The following CNTNAP2 variants were observed in gnomAD, a reference collection of about 807,000 sequenced individuals.
CNTNAP2 encodes contactin associated protein 2.
CNTNAP2 carries 98 observed loss-of-function variants against 155.2 expected under a neutral mutation model. The ratio of observed to expected loss-of-function variants is 0.63; its 90% confidence interval spans 0.54 to 0.75. The LOEUF (loss-of-function observed/expected upper bound fraction) is 0.75, where lower values mean the gene tolerates loss of function less well. Ranked by LOEUF, CNTNAP2 falls within the 30% of genes least tolerant of loss-of-function variation. The probability of loss-of-function intolerance (pLI) is 0.00; values close to 1 mark genes in which losing one functional copy is unlikely to be tolerated. For synonymous variants in CNTNAP2, 651 were observed against 631.2 expected (o/e 1.03, Z -0.47); for missense variants, 1,727 against 1,688.1 (o/e 1.02, Z -0.40).
chr7:146,712,337 AG>A (rs1320185433), intron 1 of CNTNAP2, among the ~76,000 whole-genome samples: 8 of 122,850 alleles, frequency 6.5e-5, no homozygotes, highest in African/African-American at 1.9e-4. Flanking sequence ...TATACTATAT[AG>A]TATACATATC....
intron 8 of CNTNAP2, among the ~76,000 whole-genome samples, chr7:147,269,869 A>T (rs1804701585): frequency 6.6e-6 from 1 of 152,112 alleles, no homozygotes. Context: ...CCTGGATATT[A>T]TGGTAAGACC....
intron 2 of CNTNAP2, among the ~76,000 whole-genome samples, chr7:146,837,536 T>C (rs1484690859): frequency 2.6e-5 from 4 of 152,212 alleles, no homozygotes; most frequent in Non-Finnish European, 5.9e-5. Flanking sequence ...ATTTCTGTTA[T>C]TTTGGGGATA....
intron 13 of CNTNAP2, among the ~76,000 whole-genome samples, chr7:147,811,497 A>C (rs1798179075): frequency 6.6e-6 from 1 of 152,170 alleles, no homozygotes; most frequent in Non-Finnish European, 1.5e-5. Context: ...CAGTTCTTGA[A>C]AATATAATAT....
chr7:147,089,231 A>C (rs566680232), intron 4 of CNTNAP2, among the ~76,000 whole-genome samples: 2 of 152,298 alleles, frequency 1.3e-5, no homozygotes, highest in African/African-American at 4.8e-5. Flanking sequence ...AACATCTTGT[A>C]GCAGTTCCAC....
chr7:147,328,408 G>A (rs537239765), intron 9 of CNTNAP2, among the ~76,000 whole-genome samples: 20 of 152,248 alleles, frequency 1.3e-4, no homozygotes, highest in South Asian at 8.3e-4. Context: ...GAGTGTCCAG[G>A]TCATCCAGGG....
At chr7:148,166,498 T>A (rs1003105331) in intron 17 of CNTNAP2, among the ~76,000 whole-genome samples, 3 of 150,890 alleles carry the variant, frequency 2.0e-5, no homozygotes, top group African/African-American at 7.3e-5. Context: ...GTTTTTTTTT[T>A]TATAATTCCT....
At chr7:146,794,800 AG>A (rs1174020883) in intron 2 of CNTNAP2, among the ~76,000 whole-genome samples, 1 of 152,244 alleles carries the variant, frequency 6.6e-6, no homozygotes, top group African/African-American at 2.4e-5. Flanking sequence ...ACTTCAAAGT[AG>A]CAAGAATCTA....
chr7:147,144,089 T>C (rs1389088514), intron 8 of CNTNAP2, among the ~76,000 whole-genome samples: 1 of 152,138 alleles, frequency 6.6e-6, no homozygotes, highest in African/African-American at 2.4e-5. Context: ...CTCTAGTCAG[T>C]TCTACACGAT....
rs142975720 is a variant in CNTNAP2 at position 147,033,496 on chromosome 7, C to G, written c.403-10411C>G. Among the ~76,000 whole-genome samples, 440 of 151,864 alleles carry G rather than the reference C, an allele frequency of 2.9e-3. 3 individuals are homozygous for G. The highest frequency in any genetic ancestry group is 0.01 in the African/African-American group (418 of 41,406). The stretch of plus-strand genomic sequence containing the variant: ...TCTTTTTGAGTCAGTCTAGCATGCT[C>G]TATTTTTTTTCCTGTAAGATATTAT... On this transcript the variant is annotated intron_variant, in intron 3 of 23. Transcript: ENST00000361727.
At chr7:148,272,174 A>T (rs1796792318) in intron 21 of CNTNAP2, among the ~76,000 whole-genome samples, 2 of 152,316 alleles carry the variant, frequency 1.3e-5, no homozygotes, top group South Asian at 2.1e-4. Flanking sequence ...ACCAACAGCA[A>T]ACTTTTAGAA....
At chr7:148,055,448 C>A (rs535352123) in intron 15 of CNTNAP2, among the ~76,000 whole-genome samples, 39 of 152,252 alleles carry the variant, frequency 2.6e-4, no homozygotes, top group African/African-American at 9.1e-4. Flanking sequence ...CAAGCCAAAT[C>A]TTCATTGCAG....
chr7:147,397,447 G>A (rs1294461713), intron 10 of CNTNAP2, among the ~76,000 whole-genome samples: 3 of 151,824 alleles, frequency 2.0e-5, no homozygotes, highest in African/African-American at 7.3e-5. Context: ...TTTCAGGTCA[G>A]TAATTGTGAT....
intron 15 of CNTNAP2, among the ~76,000 whole-genome samples, chr7:148,038,483 T>C (rs2116474064): frequency 6.6e-6 from 1 of 152,302 alleles, no homozygotes; most frequent in Non-Finnish European, 1.5e-5. Context: ...AAAGTTCCCA[T>C]AGCATCTAAT....
intron 1 of CNTNAP2, among the ~76,000 whole-genome samples, chr7:146,630,058 T>C (rs1191051182): frequency 6.6e-6 from 1 of 152,054 alleles, no homozygotes; most frequent in Non-Finnish European, 1.5e-5. Context: ...GGTGGTTTGC[T>C]GCACCTATCA....
intron 1 of CNTNAP2, among the ~76,000 whole-genome samples, chr7:146,318,881 A>G (rs921409353): frequency 1.6e-4 from 24 of 152,314 alleles, no homozygotes; most frequent in African/African-American, 5.3e-4. Flanking sequence ...AATACATAAT[A>G]TGTATGTATA....
At chr7:146,368,554 C>G (rs941723831) in intron 1 of CNTNAP2, among the ~76,000 whole-genome samples, 1 of 152,070 alleles carries the variant, frequency 6.6e-6, no homozygotes, top group African/African-American at 2.4e-5. Context: ...AAAGCCTTCC[C>G]TTGTTACTCA....
intron 9 of CNTNAP2, chr7:147,378,106 T>G (rs1053136942): frequency 4.6e-5 from 21 of 455,308 alleles, no homozygotes; most frequent in Non-Finnish European, 8.5e-5. Flanking sequence ...TGCACCAACC[T>G]AATACGTTAG....
intron 3 of CNTNAP2, among the ~76,000 whole-genome samples, chr7:146,841,362 T>A (rs1394779755): frequency 2.6e-5 from 3 of 115,844 alleles, no homozygotes; most frequent in Non-Finnish European, 1.7e-5. Flanking sequence ...GACGGAGGAG[T>A]AAGGGGGTTG....
chr7:148,411,022 AC>A (rs1799822636), intron 23 of CNTNAP2, among the ~76,000 whole-genome samples: 1 of 152,174 alleles, frequency 6.6e-6, no homozygotes. Flanking sequence ...AATAATAAAA[AC>A]TAAAAATGTA....
Sources: gnomAD v4.1 joint callset for allele counts (sites outside exome capture counted in the v4.1 genomes callset) on GRCh38, gnomAD v4.1.1 for gene constraint, MANE v1.5 for transcripts, NCBI Gene and HGNC (gene_info 2026-07-23, HGNC 2026-07-21) for gene names.